The following LRRC53 variants were observed in gnomAD, a reference collection of about 807,000 sequenced individuals.
LRRC53 encodes leucine rich repeat containing 53, also known as leucine-rich repeat-containing protein 53.
Under a neutral mutation model 13.6 loss-of-function variants are expected in LRRC53, and 25 were observed. The observed-to-expected ratio is 1.83, with a 90% CI of 1.34 to 2.56. LRRC53 has a LOEUF of 2.56. Ranked by LOEUF, LRRC53 falls within the 30% of genes most tolerant of loss-of-function variation. The pLI, the probability that LRRC53 is intolerant of heterozygous loss-of-function variation, is 0.00. For missense variants in LRRC53, 527 were observed against 275.8 expected (o/e 1.91, Z -6.45); for synonymous variants, 204 against 109.8 (o/e 1.86, Z -5.37).
At chr1:74,492,532 A>G (rs1245406291) in intron 1 of LRRC53, among the ~76,000 whole-genome samples, 4 of 152,180 alleles carry the variant, frequency 2.6e-5, no homozygotes, top group African/African-American at 9.7e-5. Flanking sequence ...GGGATTTATT[A>G]AAAGTATTCT....
chr1:74,489,419 T>G (rs1668933676), intron 1 of LRRC53, among the ~76,000 whole-genome samples: 1 of 152,198 alleles, frequency 6.6e-6, no homozygotes, highest in Non-Finnish European at 1.5e-5. Context: ...TAGCTGTATC[T>G]ACAGGGACAA....
At position 74,483,262 on chromosome 1, in the gene LRRC53, C is replaced by T. The variant is rs2100267081; in HGVS notation, c.88G>A (p.Ala30Thr). 1.4e-6 allele frequency: 1 copy of T among 717,100 alleles called. No homozygotes were observed. Among genetic ancestry groups the T allele is most frequent in the East Asian group, 2.7e-5 (1 of 37,278 alleles). 44.4% of individuals were successfully genotyped at this position (717,100 alleles called of 1,614,324 possible). A position where few individuals can be genotyped will look rare whatever the true frequency, so the allele number is the denominator to read the frequency against. ...TLCHQLTYIVAAPMTTRVLII... is the reference protein window; with the variant it reads ...TLCHQLTYIVTAPMTTRVLII... ...TTTTTAGAGTTATTAGTTTTATTAC[C>T]TACTATATAGGTTAGCTGGTGACAG... is the stretch of plus-strand genomic sequence containing the variant. The change falls in exon 2 of 5, where the codon GCA becomes ACA. Residue 30 changes from alanine to threonine, a missense_variant and splice_region_variant. Coordinates refer to ENST00000294635, the MANE Select transcript of LRRC53 (RefSeq NM_001382280.1).
At chr1:74,513,516 T>C (rs1646297933), upstream of LRRC53, among the ~76,000 whole-genome samples, 1 of 152,250 alleles carries the variant, frequency 6.6e-6, no homozygotes. Context: ...GGAGTTCCTC[T>C]TCCTTTCATT....
intron 1 of LRRC53, among the ~76,000 whole-genome samples, chr1:74,494,413 T>C (rs916230053): frequency 6.6e-6 from 1 of 152,124 alleles, no homozygotes; most frequent in African/African-American, 2.4e-5. Flanking sequence ...TGTCATGAAA[T>C]TAAGTATTAG....
At chr1:74,496,451 T>C (rs1032083004) in intron 1 of LRRC53, among the ~76,000 whole-genome samples, 2 of 152,176 alleles carry the variant, frequency 1.3e-5, no homozygotes, top group African/African-American at 4.8e-5. Context: ...GTTTTTCCTA[T>C]AGTCCCTACT....
intron 1 of LRRC53, among the ~76,000 whole-genome samples, chr1:74,508,894 T>C (rs1378294785): frequency 6.6e-6 from 1 of 152,182 alleles, no homozygotes; most frequent in African/African-American, 2.4e-5. Flanking sequence ...TGTCTGGTTT[T>C]TACAGGGTCT....
chr1:74,523,519 A>G, the LRRC53 span, among the ~76,000 whole-genome samples: 1 of 152,198 alleles, frequency 6.6e-6, no homozygotes, highest in South Asian at 2.1e-4. Flanking sequence ...ACTTAAAAAA[A>G]AAGGCCTCAA....
upstream of LRRC53, among the ~76,000 whole-genome samples, chr1:74,513,959 T>C (rs1235786945): frequency 6.6e-6 from 1 of 152,168 alleles, no homozygotes; most frequent in East Asian, 1.9e-4. Context: ...TAAATAATCT[T>C]CCAAAAACTA....
intron 1 of LRRC53, among the ~76,000 whole-genome samples, chr1:74,502,302 A>G (rs2100345633): frequency 6.6e-6 from 1 of 152,232 alleles, no homozygotes; most frequent in East Asian, 1.9e-4. Context: ...GGTGCCAAAC[A>G]CCTATTTGTG....
Position 74,483,374 on chromosome 1 carries a change from A to G in LRRC53, c.-25T>C. 1.4e-6 allele frequency: 1 copy of G among 717,210 alleles called. No individual in the cohort carries two copies. Among genetic ancestry groups the G allele is most frequent in the Non-Finnish European group, 2.6e-6 (1 of 384,856 alleles). The allele number at this position is 717,210 out of a possible 1,614,324, so 44.4% of individuals were successfully genotyped here. A position where few individuals can be genotyped will look rare whatever the true frequency, so the allele number is the denominator to read the frequency against. ...TGATGGCAAAGAGTACCAGCCATCC[A>G]CCTGAAAGGAAAGTAGAGGGCAATG... On this transcript the variant is annotated splice_region_variant and 5_prime_UTR_variant, in exon 2 of 5. Transcript: ENST00000294635.
chr1:74,520,203 T>C, the LRRC53 span, among the ~76,000 whole-genome samples: 1 of 152,068 alleles, frequency 6.6e-6, no homozygotes, highest in Non-Finnish European at 1.5e-5. Context: ...TTCTTATGCA[T>C]GTGCATCCTC....
chr1:74,508,119 T>C (rs577896428), intron 1 of LRRC53, among the ~76,000 whole-genome samples: 1 of 152,308 alleles, frequency 6.6e-6, no homozygotes, highest in South Asian at 2.1e-4. Flanking sequence ...GAGGCAGGCA[T>C]GTGGATAGCT....
chr1:74,533,968 T>A, the LRRC53 span, among the ~76,000 whole-genome samples: 2 of 152,216 alleles, frequency 1.3e-5, no homozygotes, highest in Non-Finnish European at 2.9e-5. Flanking sequence ...TCTGGCTAGC[T>A]CTGTGAGTTT....
chr1:74,513,832 A>T (rs1406670450), upstream of LRRC53, among the ~76,000 whole-genome samples: 1 of 152,192 alleles, frequency 6.6e-6, no homozygotes, highest in Non-Finnish European at 1.5e-5. Flanking sequence ...CAAAAAGGAG[A>T]CCTGAAAGCA....
At chr1:74,506,955 C>G (rs1014994855) in intron 1 of LRRC53, among the ~76,000 whole-genome samples, 6 of 152,046 alleles carry the variant, frequency 3.9e-5, no homozygotes, top group African/African-American at 1.4e-4. Context: ...GAATAAGTTT[C>G]TTGAGGGGGA....
chr1:74,497,941 T>TC (rs2100328781), intron 1 of LRRC53, among the ~76,000 whole-genome samples: 1 of 152,300 alleles, frequency 6.6e-6, no homozygotes, highest in South Asian at 2.1e-4. Flanking sequence ...TCGCTCTCTC[T>TC]CTTCTCAGAT....
chr1:74,516,590 C>A (rs1234095265), upstream of LRRC53, among the ~76,000 whole-genome samples: 1 of 152,116 alleles, frequency 6.6e-6, no homozygotes. Flanking sequence ...CCCAGGCCTG[C>A]TGCTTGAGAC....
At position 74,469,977 on chromosome 1, in the gene LRRC53, A is replaced by G. The variant is rs74781416; in HGVS notation, c.3645T>C (p.Val1215=). ...TTTCAGCTTCATTTATTCTGCTAGG[A>G]ACTAAAAACACCTCATTTTCTGCCT... ...SFEAENEVFL[V]PSRINEAENS... is the part of the protein sequence containing the mutation. The change falls in exon 5 of 5, where the codon GTT becomes GTC. Residue 1215 remains valine, a synonymous_variant. Transcript: ENST00000294635. 1,106 of 400,670 alleles carry G rather than the reference A, an allele frequency of 2.8e-3. 6 individuals carry two copies. The highest frequency in any genetic ancestry group is 0.02 in the African/African-American group (995 of 48,822). The allele number at this position is 400,670 out of a possible 1,614,324, so 24.8% of individuals were successfully genotyped here.
At chr1:74,491,975 C>G (rs1669099498) in intron 1 of LRRC53, 1 of 1,336,148 alleles carries the variant, frequency 7.5e-7, no homozygotes, top group African/African-American at 1.5e-5. Context: ...CAGGAGCAAG[C>G]TGAGTGAATA....
Sources: allele counts gnomAD v4.1 joint callset (sites outside exome capture counted in the v4.1 genomes callset), GRCh38; gene constraint gnomAD v4.1.1; transcripts MANE v1.5; gene names NCBI Gene and HGNC (gene_info 2026-07-23, HGNC 2026-07-21).